The following LHX9 variants were observed in gnomAD, a reference collection of about 807,000 sequenced individuals.
LHX9 encodes LIM/homeobox protein Lhx9.
In LHX9, 9 loss-of-function variants were observed where a neutral mutation model predicts 36.5. The observed-to-expected ratio is 0.25, with a 90% CI of 0.15 to 0.43. The LOEUF (loss-of-function observed/expected upper bound fraction) is 0.43, where lower values mean the gene tolerates loss of function less well. Ranked by LOEUF, LHX9 falls within the 20% of genes least tolerant of loss-of-function variation. The probability of loss-of-function intolerance (pLI) is 1.00; values close to 1 mark genes in which losing one functional copy is unlikely to be tolerated. For missense variants in LHX9, 464 were observed against 526.4 expected, an observed-to-expected ratio of 0.88 and a Z score of 1.16; for synonymous variants, 211 against 212.1, an observed-to-expected ratio of 0.99 and a Z score of 0.04.
chr1:197,921,228 C>G lies in LHX9; in HGVS notation c.378-76C>G. On this transcript the variant is annotated intron_variant, in intron 2 of 4. Transcript: ENST00000367387. This position sits in a 1 kb window ranked among gnomAD's most constrained non-coding sequence, Gnocchi z 4.6. ...GTCCCAGTCTCAGGCCACTGCAGACCAAACCCAGGTGTCGCGGGTGGGATA... is the reference window on the plus strand; with the variant it reads ...GTCCCAGTCTCAGGCCACTGCAGACGAAACCCAGGTGTCGCGGGTGGGATA... 7.6e-7 allele frequency: 1 copy of G among 1,312,912 alleles called. No individual in the cohort carries two copies. The highest frequency in any genetic ancestry group is 1.4e-5 in the South Asian group (1 of 73,448). 81.3% of individuals were successfully genotyped at this position (1,312,912 alleles called of 1,614,324 possible). A position where few individuals can be genotyped will look rare whatever the true frequency, so the allele number is the denominator to read the frequency against.
intron 3 of LHX9, among the ~76,000 whole-genome samples, chr1:197,926,719 A>G (rs979009357): frequency 1.6e-4 from 25 of 152,318 alleles, no homozygotes; most frequent in African/African-American, 6.0e-4. Flanking sequence ...AAAAGGGACT[A>G]AGATCTGAGC....
upstream of LHX9, chr1:197,917,130 G>GCC (rs1491162639): frequency 4.0e-5 from 16 of 401,130 alleles, no homozygotes; most frequent in Admixed American, 6.6e-5. Context: ...GCGCGCGCGC[G>GCC]TGTGTGTGTT....
In LHX9 at chr1:197,917,764, G is replaced by GC; in HGVS notation, c.-57dup. On this transcript the variant is annotated 5_prime_UTR_variant, in exon 1 of 5. Transcript: ENST00000367387. ...AGCGTCTCTGCGCTCCTACAGGGCA[G>GC]CCCTCTCTGGTCCCTTGCCTCCTTC... is the stretch of plus-strand genomic sequence containing the variant. The GC allele has an allele frequency of 1.2e-6, 2 of 1,613,032 alleles. No homozygotes were observed. The highest frequency in any genetic ancestry group is 1.7e-4 in the Middle Eastern group (1 of 6,038).
Position 197,917,595 on chromosome 1 carries a change from C to G in LHX9, c.-229C>G. On this transcript the variant is annotated 5_prime_UTR_variant, in exon 1 of 5. Transcript: ENST00000367387. ...TCCCTCCGCCCGAATTGTTTGTTTT[C>G]TGCACATCTCCTTCAGGGAGCCGCT... The G allele has an allele frequency of 1.3e-6, 2 of 1,507,754 alleles. No individual in the cohort carries two copies. Among genetic ancestry groups the G allele is most frequent in the Non-Finnish European group, 1.8e-6 (2 of 1,125,066 alleles). The allele number at this position is 1,507,754 out of a possible 1,614,324, so 93.4% of individuals were successfully genotyped here. A position where few individuals can be genotyped will look rare whatever the true frequency, so the allele number is the denominator to read the frequency against.
At chr1:197,928,674 C>T (rs556843071) in intron 4 of LHX9, among the ~76,000 whole-genome samples, 29 of 152,172 alleles carry the variant, frequency 1.9e-4, no homozygotes, top group African/African-American at 7.0e-4. Context: ...CCGTGTATTT[C>T]CCCCTTTTTA....
Position 197,929,515 on chromosome 1 carries a change from G to A in LHX9, c.*256G>A. ...AAAAATTAATTAGGTCTTTCAGTTGGTAAGGAGAGTTTTTGAATAATTCTA... is the reference window on the plus strand; with the variant it reads ...AAAAATTAATTAGGTCTTTCAGTTGATAAGGAGAGTTTTTGAATAATTCTA... On this transcript the variant is annotated 3_prime_UTR_variant, in exon 5 of 5. Transcript: ENST00000367387. 1.0e-6 allele frequency: 1 copy of A among 963,396 alleles called. No homozygotes were observed. The highest frequency in any genetic ancestry group is 1.2e-6 in the Non-Finnish European group (1 of 803,692). 59.7% of individuals were successfully genotyped at this position (963,396 alleles called of 1,614,324 possible). A position where few individuals can be genotyped will look rare whatever the true frequency, so the allele number is the denominator to read the frequency against.
rs1227811295 is a variant in LHX9, at chr1:197,935,266, A to T, written c.*6007A>T. The T allele has an allele frequency of 6.6e-6, 1 of 152,200 alleles. No homozygotes were observed. Among genetic ancestry groups the T allele is most frequent in the Non-Finnish European group, 1.5e-5 (1 of 68,024 alleles). 9.4% of individuals were successfully genotyped at this position (152,200 alleles called of 1,614,324 possible). A position where few individuals can be genotyped will look rare whatever the true frequency, so the allele number is the denominator to read the frequency against. Reference sequence around the variant, plus strand: ...TTTATCTTGTGCTAAGATAACAAAAAGCAAGCAAGAATAAAGATCCAGATA... The same window carrying T: ...TTTATCTTGTGCTAAGATAACAAAATGCAAGCAAGAATAAAGATCCAGATA... On this transcript the variant is annotated 3_prime_UTR_variant, in exon 5 of 5. Transcript: ENST00000367387.
intron 3 of LHX9, among the ~76,000 whole-genome samples, chr1:197,923,092 G>A (rs1219473227): frequency 6.6e-6 from 1 of 152,260 alleles, no homozygotes; most frequent in East Asian, 1.9e-4. Flanking sequence ...CTGAAGAGGA[G>A]AATCCTTTAT....
chr1:197,920,704 C>G (rs1659955631), intron 2 of LHX9, among the ~76,000 whole-genome samples: 1 of 152,192 alleles, frequency 6.6e-6, no homozygotes, highest in South Asian at 2.1e-4. Context: ...CCATGCCCCC[C>G]AGATTGGAGA....
At chr1:197,923,204 G>A (rs72744986) in intron 3 of LHX9, among the ~76,000 whole-genome samples, 3,285 of 152,324 alleles carry the variant, frequency 0.022, 55 homozygotes, top group Middle Eastern at 0.034. Flanking sequence ...GCTGCTGGAC[G>A]AAAAGAAAAG....
chr1:197,920,262 C>A (rs1659940890), intron 2 of LHX9, 88 bp downstream of exon 2: 3 of 1,182,926 alleles, frequency 2.5e-6, no homozygotes, highest in Non-Finnish European at 3.6e-6. Flanking sequence ...CGTCCCCTAC[C>A]TTTTGCCCCA....
rs955118478 is a variant in LHX9, at chr1:197,930,140, A to G, written c.*881A>G. On this transcript the variant is annotated 3_prime_UTR_variant, in exon 5 of 5. Transcript: ENST00000367387. ...TTTTAAGAAGTAAAAAAATCAATAT[A>G]ATTTAATTAATAGCTCTATTAATTG... The G allele has an allele frequency of 6.4e-6, 5 of 785,686 alleles. No individual in the cohort carries two copies. The highest frequency in any genetic ancestry group is 1.3e-4 in the East Asian group (1 of 7,900). The allele number at this position is 785,686 out of a possible 1,614,324, so 48.7% of individuals were successfully genotyped here. A position where few individuals can be genotyped will look rare whatever the true frequency, so the allele number is the denominator to read the frequency against.
chr1:197,928,940 GAGAA>G, intron 4 of LHX9, 58 bp from the exon 5 acceptor site: 4 of 1,413,956 alleles, frequency 2.8e-6, no homozygotes, highest in Middle Eastern at 3.8e-4. Flanking sequence ...AAAAGTGAGA[GAGAA>G]AGAAAAGAAA....
At chr1:197,928,942 G>C in intron 4 of LHX9, 60 bp from the exon 5 acceptor site, 1 of 1,406,282 alleles carries the variant, frequency 7.1e-7, no homozygotes, top group Admixed American at 2.7e-5. Flanking sequence ...AAGTGAGAGA[G>C]AAAGAAAAGA....
upstream of LHX9, chr1:197,912,851 C>T (rs572714755): frequency 2.1e-5 from 10 of 474,186 alleles, no homozygotes; most frequent in South Asian, 2.3e-4. Context: ...ACTGATCCTC[C>T]AGTAGTCAGT....
At chr1:197,912,466 G>C, upstream of LHX9, 1 of 1,570,446 alleles carries the variant, frequency 6.4e-7, no homozygotes, top group Non-Finnish European at 8.8e-7. Context: ...CCGCCGGTCT[G>C]ACTCCCGGCT....
Position 197,921,302 on chromosome 1 carries a change from A to G in LHX9, c.378-2A>G. ...CGCCCTGACTCAACTCTTTCCTTCC[A>G]GAAGGTTCTCTGTGCAGAGATGTGC... On this transcript the variant is annotated splice_acceptor_variant, in intron 2 of 4. Coordinates refer to ENST00000367387, the MANE Select transcript of LHX9 (RefSeq NM_020204.3). LOFTEE classifies it high-confidence loss of function. This position sits in a 1 kb window ranked among gnomAD's most constrained non-coding sequence, Gnocchi z 4.6. 6.2e-7 allele frequency: 1 copy of G among 1,608,452 alleles called. No individual in the cohort carries two copies. The highest frequency in any genetic ancestry group is 8.5e-7 in the Non-Finnish European group (1 of 1,176,294).
In LHX9 at chr1:197,933,567, T is replaced by C. The variant is rs1660381386; in HGVS notation, c.*4308T>C. The C allele has an allele frequency of 6.6e-6, 1 of 152,148 alleles. No homozygotes were observed. Among genetic ancestry groups the C allele is most frequent in the Non-Finnish European group, 1.5e-5 (1 of 68,012 alleles). The allele number at this position is 152,148 out of a possible 1,614,324, so 9.4% of individuals were successfully genotyped here. ...AGTCTTGCCTTCTTTCCCTGTTCTG[T>C]CACCTGTGGCAATTTCATTTAGAAG... On this transcript the variant is annotated 3_prime_UTR_variant, in exon 5 of 5. Coordinates refer to ENST00000367387, the MANE Select transcript of LHX9 (RefSeq NM_020204.3).
intron 1 of LHX9, 30 bp downstream of exon 1, chr1:197,918,027 C>T (rs769502409): frequency 2.5e-6 from 4 of 1,601,916 alleles, no homozygotes; most frequent in Non-Finnish European, 3.4e-6. Flanking sequence ...CGGCGGTAGC[C>T]GGGCACCCCT....
Sources: gnomAD v4.1 joint callset for allele counts (sites outside exome capture counted in the v4.1 genomes callset) on GRCh38, gnomAD v4.1.1 for gene constraint, Gnocchi (gnomAD v3.1) non-coding constraint, MANE v1.5 for transcripts, NCBI Gene and HGNC (gene_info 2026-07-23, HGNC 2026-07-21) for gene names.